Variants in DLC1 observed in about 807,000 individuals in gnomAD.
The protein encoded by DLC1 is DLC1 Rho GTPase activating protein.
DLC1 carries 54 observed loss-of-function variants against 140.3 expected under a neutral mutation model. That is an observed-to-expected ratio of 0.38 (90% CI 0.31 to 0.48). DLC1 has a LOEUF of 0.48. DLC1 is among the 20% of genes least tolerant of loss of function. The pLI is 0.96. For synonymous variants in DLC1, 986 were observed against 728.1 expected (o/e 1.35, Z -5.70); for missense variants, 2,536 against 1,907.0 (o/e 1.33, Z -6.14).
chr8:13,506,127 G>T (rs1243104477), intron 1 of DLC1, among the ~76,000 whole-genome samples: 1 of 151,672 alleles, frequency 6.6e-6, no homozygotes, highest in Non-Finnish European at 1.5e-5. Context: ...ACATAAAGCA[G>T]TCCTTTGAGA....
At chr8:13,310,977 A>G (rs1832645270) in intron 4 of DLC1, among the ~76,000 whole-genome samples, 1 of 152,230 alleles carries the variant, frequency 6.6e-6, no homozygotes, top group Non-Finnish European at 1.5e-5. Flanking sequence ...AATCAAATTT[A>G]AATACATTTT....
chr8:13,426,036 C>G lies in DLC1; in HGVS notation c.1024-24417G>C, dbSNP rs2444941. ...GTATGTTGCCCAGGCTGCTCTCGAACTCCTAGGTTCAGGCAATCCTCCTGC... is the reference window on the plus strand; with the variant it reads ...GTATGTTGCCCAGGCTGCTCTCGAAGTCCTAGGTTCAGGCAATCCTCCTGC... On this transcript the variant is annotated intron_variant, in intron 2 of 17. Coordinates refer to ENST00000276297, the MANE Select transcript of DLC1 (RefSeq NM_182643.3). Among the ~76,000 whole-genome samples the G allele has an allele frequency of 6.6e-5, 10 of 152,152 alleles. 1 individual carries two copies. Among genetic ancestry groups the G allele is most frequent in the African/African-American group, 2.4e-4 (10 of 41,406 alleles).
At chr8:13,550,275 T>C (rs1299120205) in intron 1 of DLC1, among the ~76,000 whole-genome samples, 2 of 152,118 alleles carry the variant, frequency 1.3e-5, no homozygotes, top group Non-Finnish European at 2.9e-5. Context: ...CTGCTCACAC[T>C]GTGCTTCTCT....
At chr8:13,225,773 G>T (rs1276010514) in intron 5 of DLC1, among the ~76,000 whole-genome samples, 1 of 151,626 alleles carries the variant, frequency 6.6e-6, no homozygotes, top group Non-Finnish European at 1.5e-5. Context: ...CCGCCACCAC[G>T]CCCGGCTAAT....
chr8:13,537,229 C>T (rs955134125), intron 1 of DLC1, among the ~76,000 whole-genome samples: 1 of 152,138 alleles, frequency 6.6e-6, no homozygotes, highest in Admixed American at 6.5e-5. Flanking sequence ...GATAAAATCT[C>T]TGTGTGTCTA....
intron 1 of DLC1, among the ~76,000 whole-genome samples, chr8:13,586,404 A>C (rs1159738790): frequency 6.6e-6 from 1 of 152,144 alleles, no homozygotes; most frequent in African/African-American, 2.4e-5. Context: ...GGAAGAGTCA[A>C]AGATGGCTCA....
intron 5 of DLC1, among the ~76,000 whole-genome samples, chr8:13,150,387 G>T (rs1823717377): frequency 6.6e-6 from 1 of 151,956 alleles, no homozygotes. Context: ...TAATAATAAG[G>T]GTTTCATTGT....
chr8:13,353,322 A>G (rs1231488839), intron 4 of DLC1: 2 of 152,208 alleles, frequency 1.3e-5, no homozygotes, highest in Non-Finnish European at 2.9e-5. Flanking sequence ...CTGAGTCAGA[A>G]GGAGAAAATG....
chr8:13,090,715 AGTGAATTACATTG>A (rs1817985885), intron 14 of DLC1, among the ~76,000 whole-genome samples: 1 of 152,110 alleles, frequency 6.6e-6, no homozygotes, highest in Non-Finnish European at 1.5e-5. Flanking sequence ...GAGTAGGGGG[AGTGAATTACATTG>A]GTCAAAGCAG....
At chr8:13,545,547 T>C (rs1803624405) in intron 1 of DLC1, among the ~76,000 whole-genome samples, 2 of 152,122 alleles carry the variant, frequency 1.3e-5, no homozygotes, top group African/African-American at 4.8e-5. Context: ...TATTCTCTGC[T>C]CAGTCAATTG....
intron 4 of DLC1, among the ~76,000 whole-genome samples, chr8:13,323,471 C>G (rs1287700719): frequency 6.6e-6 from 1 of 152,070 alleles, no homozygotes; most frequent in East Asian, 1.9e-4. Flanking sequence ...GAAAGTGGGC[C>G]TCTATTCTTT....
chr8:13,434,880 G>T (rs548386674), intron 2 of DLC1, among the ~76,000 whole-genome samples: 6 of 151,990 alleles, frequency 3.9e-5, no homozygotes, highest in African/African-American at 1.2e-4. Flanking sequence ...GTGTTTCGTC[G>T]TGTTGCTTAG....
chr8:13,351,923 G>A (rs1447235253), intron 4 of DLC1, among the ~76,000 whole-genome samples: 6 of 152,084 alleles, frequency 3.9e-5, no homozygotes, highest in Non-Finnish European at 5.9e-5. Context: ...ACATAGAGAC[G>A]GTGTTTCACC....
At chr8:13,129,757 G>T (rs1401194092) in intron 5 of DLC1, among the ~76,000 whole-genome samples, 1 of 152,208 alleles carries the variant, frequency 6.6e-6, no homozygotes, top group Admixed American at 6.5e-5. Context: ...GTTTTGCTAT[G>T]ATGTTGTAAA....
intron 5 of DLC1, among the ~76,000 whole-genome samples, chr8:13,265,280 G>C (rs1830639536): frequency 6.6e-6 from 1 of 151,998 alleles, no homozygotes; most frequent in Admixed American, 6.6e-5. Context: ...TTACACACAA[G>C]GACAAATTAT....
intron 1 of DLC1, among the ~76,000 whole-genome samples, chr8:13,530,016 C>T (rs1414567682): frequency 2.6e-5 from 4 of 151,960 alleles, no homozygotes; most frequent in East Asian, 1.9e-4. Flanking sequence ...GTGGAGGATG[C>T]GAAGAGGGTT....
At chr8:13,597,335 G>A (rs1805716084) in intron 1 of DLC1, among the ~76,000 whole-genome samples, 1 of 151,968 alleles carries the variant, frequency 6.6e-6, no homozygotes, top group Non-Finnish European at 1.5e-5. Context: ...CCAAAGACGT[G>A]AACCGTATTG....
At chr8:13,233,295 A>T (rs2583103) in intron 5 of DLC1, among the ~76,000 whole-genome samples, 3,721 of 24,418 alleles carry the variant, frequency 0.15, 434 homozygotes, top group East Asian at 0.44. Context: ...ACTCTGTATA[A>T]AAAAAAAAAA....
intron 2 of DLC1, among the ~76,000 whole-genome samples, chr8:13,489,928 T>C (rs898600759): frequency 1.3e-5 from 2 of 152,228 alleles, no homozygotes; most frequent in African/African-American, 2.4e-5. Flanking sequence ...TTGTTCTAGG[T>C]GCTGTACTAT....
Sources: allele counts gnomAD v4.1 joint callset (sites outside exome capture counted in the v4.1 genomes callset), GRCh38; gene constraint gnomAD v4.1.1; transcripts MANE v1.5; gene names NCBI Gene and HGNC (gene_info 2026-07-23, HGNC 2026-07-21).